The following PDE1A variants were observed in gnomAD, a reference collection of about 807,000 sequenced individuals.
The protein encoded by PDE1A is phosphodiesterase 1A.
PDE1A carries 35 observed loss-of-function variants against 61.7 expected under a neutral mutation model. That is an observed-to-expected ratio of 0.57 (90% CI 0.43 to 0.75). PDE1A has a LOEUF of 0.75. Among genes scored for constraint, PDE1A ranks in the 30% least tolerant of loss-of-function variants. PDE1A has a pLI of 0.00. For missense variants in PDE1A, 597 were observed against 630.6 expected (o/e 0.95, Z 0.57); for synonymous variants, 232 against 213.2 (o/e 1.09, Z -0.77).
chr2:182,224,827 G>A (rs1267922367), intron 6 of PDE1A, among the ~76,000 whole-genome samples: 10 of 151,870 alleles, frequency 6.6e-5, no homozygotes, highest in Admixed American at 3.3e-4. Flanking sequence ...CATGTGACAA[G>A]TGGTTACCAT....
the PDE1A span, among the ~76,000 whole-genome samples, chr2:182,560,533 T>C: frequency 7.9e-5 from 12 of 151,516 alleles, no homozygotes; most frequent in South Asian, 1.3e-3. Flanking sequence ...TACGTGTGCA[T>C]GTGTCTTTAT....
At chr2:182,513,808 C>T (rs1161799005) in intron 2 of PDE1A, among the ~76,000 whole-genome samples, 1 of 152,110 alleles carries the variant, frequency 6.6e-6, no homozygotes, top group Non-Finnish European at 1.5e-5. Context: ...CTAATTCAGA[C>T]AAAACAGAAA....
rs1688451648 is a variant in PDE1A, at chr2:182,492,473, T to C, written c.101+29803A>G. ...AATGGATCTCTTTATACTTTTGGCT[T>C]TCAAATCTAAACATCACATAAAATT... On this transcript the variant is annotated intron_variant, in intron 2 of 14. Transcript: ENST00000410103. Among the ~76,000 whole-genome samples, 3 of 152,334 alleles carry C rather than the reference T, an allele frequency of 2.0e-5. No individual in the cohort carries two copies. The South Asian group carries it at 6.2e-4, about 32-fold the overall frequency.
chr2:182,152,381 C>A (rs992266044), intron 13 of PDE1A, among the ~76,000 whole-genome samples: 3 of 149,568 alleles, frequency 2.0e-5, no homozygotes, highest in Non-Finnish European at 4.4e-5. Flanking sequence ...TATTTTAATA[C>A]CAGGGGAAAT....
chr2:182,528,163 G>A (rs1008291644), upstream of PDE1A, among the ~76,000 whole-genome samples: 12 of 152,108 alleles, frequency 7.9e-5, no homozygotes, highest in African/African-American at 2.7e-4. Context: ...AGGAAAAGGT[G>A]GGAAAGTTTG....
At chr2:182,262,438 G>T (rs1361189284) in intron 2 of PDE1A, among the ~76,000 whole-genome samples, 1 of 151,848 alleles carries the variant, frequency 6.6e-6, no homozygotes, top group Admixed American at 6.6e-5. Context: ...GCTAATTTTT[G>T]TGTTTTCTTG....
At chr2:182,195,537 A>G (rs1426424966) in intron 10 of PDE1A, among the ~76,000 whole-genome samples, 1 of 152,152 alleles carries the variant, frequency 6.6e-6, no homozygotes, top group Non-Finnish European at 1.5e-5. Flanking sequence ...AGTCTTTAAC[A>G]AGAAACACAA....
intron 2 of PDE1A, among the ~76,000 whole-genome samples, chr2:182,490,095 A>G (rs1688284180): frequency 6.6e-6 from 1 of 152,348 alleles, no homozygotes; most frequent in Non-Finnish European, 1.5e-5. Context: ...TGTTCCAAAA[A>G]GAAACTTTAA....
Position 182,515,206 on chromosome 2 carries a change from C to A in PDE1A, c.101+7070G>T, listed in dbSNP as rs187737195. ...TATCCAAAATACTTTCCCAAAGGTG[C>A]ATTTTATTCTGGTCACTTCTTACTG... On this transcript the variant is annotated intron_variant, in intron 2 of 14. Coordinates refer to the PDE1A transcript ENST00000410103. Among the ~76,000 whole-genome samples the A allele has an allele frequency of 3.4e-3, 512 of 152,258 alleles. 3 individuals carry two copies. Among genetic ancestry groups the A allele is most frequent in the African/African-American group, 0.012 (490 of 41,548 alleles).
At position 182,299,255 on chromosome 2, in the gene PDE1A, G is replaced by A. The variant is rs145296042; in HGVS notation, c.54-34841C>T. ...CCTGGCCCAAGTCTGTCTCACAGTG[G>A]ACATAATATGTCCACAAACTCATCT... is the stretch of plus-strand genomic sequence containing the variant. On this transcript the variant is annotated intron_variant, in intron 1 of 13. Transcript: ENST00000351439. 2.7e-3 allele frequency among the ~76,000 whole-genome samples: 411 copies of A among 151,558 alleles called. 2 individuals are homozygous for A. The highest frequency in any genetic ancestry group is 9.5e-3 in the African/African-American group (392 of 41,282).
At chr2:182,239,919 T>C (rs888128503) in intron 3 of PDE1A, among the ~76,000 whole-genome samples, 191 bp downstream of exon 3, 5 of 152,280 alleles carry the variant, frequency 3.3e-5, no homozygotes, top group Admixed American at 2.6e-4. Context: ...ATAAAAAGAA[T>C]GCATCCGGGA....
chr2:182,272,302 C>T (rs1364363603), intron 1 of PDE1A, among the ~76,000 whole-genome samples: 3 of 152,050 alleles, frequency 2.0e-5, no homozygotes, highest in Non-Finnish European at 2.9e-5. Context: ...TTGGGAGGGC[C>T]CTGCACTTTC....
chr2:182,440,675 G>A (rs1684730852), intron 2 of PDE1A, among the ~76,000 whole-genome samples: 4 of 151,798 alleles, frequency 2.6e-5, no homozygotes, highest in Non-Finnish European at 5.9e-5. Flanking sequence ...ATTATAATTG[G>A]ATTTTTCCAA....
At chr2:182,204,321 T>G (rs1686916667) in intron 8 of PDE1A, among the ~76,000 whole-genome samples, 1 of 152,228 alleles carries the variant, frequency 6.6e-6, no homozygotes, top group African/African-American at 2.4e-5. Flanking sequence ...TAAAATTATT[T>G]CACAGTTAGA....
intron 1 of PDE1A, among the ~76,000 whole-genome samples, chr2:182,282,708 AT>A (rs1387863479): frequency 2.8e-4 from 43 of 152,018 alleles, no homozygotes; most frequent in Middle Eastern, 6.8e-3. Flanking sequence ...TAATTTGTTT[AT>A]TTTTTTGCAA....
At chr2:182,186,146 AAAACTTTAC>A in intron 12 of PDE1A, 67 bp from the exon 13 acceptor site, 1 of 1,506,706 alleles carries the variant, frequency 6.6e-7, no homozygotes, top group Non-Finnish European at 9.0e-7. Context: ...GAAAACCTGA[AAAACTTTAC>A]AAAACCGACT....
chr2:182,610,327 C>T, the PDE1A span, among the ~76,000 whole-genome samples: 1 of 152,108 alleles, frequency 6.6e-6, no homozygotes, highest in Non-Finnish European at 1.5e-5. Context: ...AATTCGTATG[C>T]CTTTTCTCCA....
At chr2:182,514,532 G>A (rs1287456320) in intron 2 of PDE1A, among the ~76,000 whole-genome samples, 1 of 152,000 alleles carries the variant, frequency 6.6e-6, no homozygotes, top group African/African-American at 2.4e-5. Context: ...ATAACCATCT[G>A]ATCTCCAACA....
the PDE1A span, among the ~76,000 whole-genome samples, chr2:182,658,676 G>A: frequency 6.6e-6 from 1 of 152,218 alleles, no homozygotes; most frequent in Non-Finnish European, 1.5e-5. Flanking sequence ...GAACATGGTA[G>A]AAGCAGCTCA....
Sources: allele counts gnomAD v4.1 joint callset (sites outside exome capture counted in the v4.1 genomes callset), GRCh38; gene constraint gnomAD v4.1.1; transcripts MANE v1.5; gene names NCBI Gene and HGNC (gene_info 2026-07-23, HGNC 2026-07-21).